SMG6: variants seen among roughly 807,000 people sequenced by gnomAD.
SMG6 encodes the protein SMG6 nonsense mediated mRNA decay factor, also known as telomerase-binding protein EST1A.
In SMG6, 66 loss-of-function variants were observed where a neutral mutation model predicts 142.2. The observed-to-expected ratio is 0.46, with a 90% confidence interval of 0.38 to 0.57. The LOEUF (loss-of-function observed/expected upper bound fraction) is 0.57, where lower values mean the gene tolerates loss of function less well. Ranked by LOEUF, SMG6 falls within the 20% of genes least tolerant of loss-of-function variation. The probability of loss-of-function intolerance (pLI) is 0.00; values close to 1 mark genes in which losing one functional copy is unlikely to be tolerated. For synonymous variants in SMG6, 779 were observed against 702.4 expected, an observed-to-expected ratio of 1.11 and a Z score of -1.72; for missense variants, 1,793 against 1,832.0, an observed-to-expected ratio of 0.98 and a Z score of 0.39.
rs190553101 is a variant in SMG6, at chr17:2,085,089, G to A, written c.3534+636C>T. ...GGGCAACTGCCAGTGGACTATTGCA[G>A]GGGCGGGTACACAGGCTCATGCATG... is the stretch of plus-strand genomic sequence containing the variant. On this transcript the variant is annotated intron_variant, in intron 14 of 18. Coordinates refer to ENST00000263073, the MANE Select transcript of SMG6 (RefSeq NM_017575.5). This position sits in a 1 kb window ranked among gnomAD's most constrained non-coding sequence, Gnocchi z 4.1. Among the ~76,000 whole-genome samples, 249 of 152,318 alleles carry A rather than the reference G, an allele frequency of 1.6e-3. 4 individuals carry two copies. The highest frequency in any genetic ancestry group is 5.8e-4 in the East Asian group (3 of 5,186).
intron 6 of SMG6, among the ~76,000 whole-genome samples, chr17:2,287,858 T>C (rs1043255982): frequency 6.6e-6 from 1 of 152,114 alleles, no homozygotes; most frequent in African/African-American, 2.4e-5. Context: ...AAATTCATAG[T>C]GACAGAAAGC....
chr17:2,272,042 C>T (rs938168149), intron 8 of SMG6, among the ~76,000 whole-genome samples: 2 of 152,170 alleles, frequency 1.3e-5, no homozygotes, highest in Non-Finnish European at 1.5e-5. Context: ...ATTATTATTT[C>T]CAGAATCCTA....
intron 8 of SMG6, chr17:2,265,846 G>T: frequency 3.7e-6 from 1 of 268,292 alleles, no homozygotes; most frequent in Non-Finnish European, 5.7e-6. Flanking sequence ...AAAATAAAGT[G>T]TGATGGAGTA....
chr17:2,294,536 A>T (rs1304825403), intron 4 of SMG6, among the ~76,000 whole-genome samples: 1 of 152,086 alleles, frequency 6.6e-6, no homozygotes, highest in East Asian at 1.9e-4. Context: ...GGTGTTCTCC[A>T]CTTCAGGGCC....
At chr17:2,070,249 C>A (rs1429043417) in intron 15 of SMG6, among the ~76,000 whole-genome samples, 1 of 152,242 alleles carries the variant, frequency 6.6e-6, no homozygotes, top group South Asian at 2.1e-4. Context: ...TCTGCCACTA[C>A]AGAACATGGC....
rs113675631 is a variant in SMG6, at chr17:2,068,946, T to G, written c.3682-15A>C. The stretch of plus-strand genomic sequence containing the variant: ...TCCAGGACAGCCTATGGGGACAGAG[T>G]GGTGAATGAGCCAGACAGCGAGCAG... On this transcript the variant is annotated splice_polypyrimidine_tract_variant and intron_variant, in intron 15 of 18. Coordinates refer to ENST00000263073, the MANE Select transcript of SMG6 (RefSeq NM_017575.5). This position sits in a 1 kb window ranked among gnomAD's most constrained non-coding sequence, Gnocchi z 6.7. The G allele has an allele frequency of 3.9e-4, 634 of 1,612,638 alleles. 8 individuals are homozygous for G. In the African/African-American group the frequency reaches 6.8e-3, roughly 17 times the overall value.
At chr17:2,100,667 T>C (rs1438610685) in intron 13 of SMG6, among the ~76,000 whole-genome samples, 1 of 152,012 alleles carries the variant, frequency 6.6e-6, no homozygotes, top group East Asian at 1.9e-4. Context: ...TCTCAACCTA[T>C]CGAGTAGCTG....
chr17:2,167,312 G>A (rs1014431228), intron 13 of SMG6, among the ~76,000 whole-genome samples: 5 of 152,060 alleles, frequency 3.3e-5, no homozygotes, highest in African/African-American at 9.7e-5. Flanking sequence ...TGACAAACTT[G>A]AGAAACCTTC....
chr17:2,184,359 G>C (rs1378201947), intron 12 of SMG6, among the ~76,000 whole-genome samples: 1 of 148,464 alleles, frequency 6.7e-6, no homozygotes, highest in Non-Finnish European at 1.5e-5. Flanking sequence ...CAAGACTCTG[G>C]GGGGAAAAAA....
intron 13 of SMG6, among the ~76,000 whole-genome samples, chr17:2,126,455 G>C (rs1212063137): frequency 1.3e-5 from 2 of 152,116 alleles, no homozygotes; most frequent in African/African-American, 2.4e-5. Flanking sequence ...ACCAGACACA[G>C]TGCCTCATAT....
At chr17:2,196,746 A>T (rs1429630080) in intron 10 of SMG6, among the ~76,000 whole-genome samples, 1 of 149,340 alleles carries the variant, frequency 6.7e-6, no homozygotes, top group African/African-American at 2.6e-5. Context: ...TTAATGAAGA[A>T]AGGGGCCGGG....
chr17:2,225,353 GAAAAAGCT>G (rs2073287241), intron 10 of SMG6, among the ~76,000 whole-genome samples: 1 of 147,820 alleles, frequency 6.8e-6, no homozygotes, highest in African/African-American at 2.5e-5. Context: ...AAAAAAAAAA[GAAAAAGCT>G]GGGTGTGGTC....
chr17:2,298,915 GC>G lies in SMG6; in HGVS notation c.1837del (p.Ala613ArgfsTer17), dbSNP rs1567761201. On this transcript the variant is annotated frameshift_variant, in exon 2 of 19. Transcript: ENST00000263073. LOFTEE classifies it high-confidence loss of function. The stretch of plus-strand genomic sequence containing the variant: ...ATAGACCACATCATACCTGAGTTGC[GC>G]CATCTTCTCCAGGCCCTCCGGACTG... ...RISPEGLEKM[A>X]QLRAELLQLY... 6.2e-7 allele frequency: 1 copy of G among 1,612,598 alleles called. No individual in the cohort carries two copies. The highest frequency in any genetic ancestry group is 8.5e-7 in the Non-Finnish European group (1 of 1,179,232).
chr17:2,135,934 T>C (rs2070280738), intron 13 of SMG6, among the ~76,000 whole-genome samples: 1 of 65,654 alleles, frequency 1.5e-5, no homozygotes. Flanking sequence ...CCTCCCACAC[T>C]GGCCTCTCAA....
chr17:2,096,803 A>G (rs755325908), intron 13 of SMG6, among the ~76,000 whole-genome samples: 1 of 152,026 alleles, frequency 6.6e-6, no homozygotes, highest in Non-Finnish European at 1.5e-5. Context: ...CCTTGACTTC[A>G]CATGACCTTC....
At chr17:2,076,824 G>T (rs1216870770) in intron 15 of SMG6, among the ~76,000 whole-genome samples, 1 of 152,176 alleles carries the variant, frequency 6.6e-6, no homozygotes, top group Non-Finnish European at 1.5e-5. Flanking sequence ...GTTCTTAAAG[G>T]GGCCACAGCA....
intron 13 of SMG6, among the ~76,000 whole-genome samples, chr17:2,138,556 T>C (rs1047637628): frequency 6.6e-6 from 1 of 152,126 alleles, no homozygotes; most frequent in African/African-American, 2.4e-5. Context: ...ACAGGAGTAG[T>C]AGACCAGATG....
chr17:2,274,520 T>C (rs989695021), intron 8 of SMG6, among the ~76,000 whole-genome samples: 1 of 151,974 alleles, frequency 6.6e-6, no homozygotes, highest in Non-Finnish European at 1.5e-5. Flanking sequence ...ACAAAATCAT[T>C]TGTTGGGTGA....
chr17:2,206,518 G>A (rs2072686365), intron 10 of SMG6, among the ~76,000 whole-genome samples: 1 of 152,112 alleles, frequency 6.6e-6, no homozygotes, highest in Non-Finnish European at 1.5e-5. Context: ...GTTCAAGGCT[G>A]CGGTGAGCTA....
Sources: gnomAD v4.1 joint callset for allele counts (sites outside exome capture counted in the v4.1 genomes callset) on GRCh38, gnomAD v4.1.1 for gene constraint, Gnocchi (gnomAD v3.1) non-coding constraint, MANE v1.5 for transcripts, NCBI Gene and HGNC (gene_info 2026-07-23, HGNC 2026-07-21) for gene names.